Variants in SLC7A1 observed in about 807,000 individuals in gnomAD.
The protein encoded by SLC7A1 is solute carrier family 7 member 1.
In SLC7A1, 10 loss-of-function variants were observed where a neutral mutation model predicts 53.9. The ratio of observed to expected loss-of-function variants is 0.19; its 90% confidence interval spans 0.11 to 0.31. The LOEUF (loss-of-function observed/expected upper bound fraction) is 0.31. SLC7A1 is among the 10% of genes least tolerant of loss of function. The pLI is 1.00. For synonymous variants in SLC7A1, 342 were observed against 338.7 expected (o/e 1.01, Z -0.11); for missense variants, 525 against 827.2 (o/e 0.63, Z 4.48).
Position 29,535,904 on chromosome 13 carries a change from G to A in SLC7A1, c.285C>T (p.Gly95=), listed in dbSNP as rs1200983681. The change falls in exon 3 of 13, where the codon GGC becomes GGT. Residue 95 remains glycine, a synonymous_variant. Transcript: ENST00000380752. The part of the protein sequence containing the change: ...GEFGARVPKT[G]SAYLYSYVTV... ...TGACATAGCTGTAGAGGTAAGCTGA[G>A]CCCGTCTTGGGGACCCGAGCACCAA... 2 of 1,614,084 alleles carry A rather than the reference G, an allele frequency of 1.2e-6. No individual in the cohort carries two copies. The highest frequency in any genetic ancestry group is 1.1e-5 in the South Asian group (1 of 91,090).
intron 1 of SLC7A1, among the ~76,000 whole-genome samples, chr13:29,562,348 A>G (rs902534004): frequency 2.6e-5 from 4 of 152,250 alleles, no homozygotes; most frequent in Non-Finnish European, 1.5e-5. Context: ...CATATTTTAA[A>G]GTGTATACAC....
At chr13:29,569,341 C>T (rs1405787683) in intron 1 of SLC7A1, among the ~76,000 whole-genome samples, 1 of 152,088 alleles carries the variant, frequency 6.6e-6, no homozygotes, top group Non-Finnish European at 1.5e-5. Context: ...GGTTAGGGCC[C>T]CCTCACTACT....
Position 29,536,192 on chromosome 13 carries a change from G to T in SLC7A1, c.-4C>A, listed in dbSNP as rs767140050. ...TGAGCAGGACTTTGCACCCCATGTT[G>T]CTGTTCAGAGCTGTTGAAAAAGAAC... On this transcript the variant is annotated 5_prime_UTR_variant, in exon 3 of 13. Coordinates refer to ENST00000380752, the MANE Select transcript of SLC7A1 (RefSeq NM_003045.5). 6.2e-7 allele frequency: 1 copy of T among 1,603,590 alleles called. No individual in the cohort carries two copies. The highest frequency in any genetic ancestry group is 1.7e-5 in the Admixed American group (1 of 59,540).
intron 4 of SLC7A1, 132 bp downstream of exon 4, chr13:29,532,692 G>C (rs1175894147): frequency 3.9e-5 from 31 of 795,804 alleles, no homozygotes; most frequent in South Asian, 3.3e-4. Flanking sequence ...CCTGCATGCA[G>C]TACAAAAACA....
intron 9 of SLC7A1, 46 bp downstream of exon 9, chr13:29,519,401 G>T: frequency 9.0e-7 from 1 of 1,107,660 alleles, no homozygotes; most frequent in Non-Finnish European, 1.4e-6. Context: ...AAGGCTACCA[G>T]GTGCATCTGC....
At chr13:29,563,621 G>T (rs944202290) in intron 1 of SLC7A1, among the ~76,000 whole-genome samples, 1 of 152,202 alleles carries the variant, frequency 6.6e-6, no homozygotes, top group African/African-American at 2.4e-5. Context: ...TTCTAAGAGT[G>T]AAACTGACAG....
intron 1 of SLC7A1, among the ~76,000 whole-genome samples, chr13:29,554,598 T>C (rs890366051): frequency 1.3e-5 from 2 of 152,208 alleles, no homozygotes; most frequent in African/African-American, 2.4e-5. Flanking sequence ...TCTTACCATT[T>C]ACACTCTGCA....
intron 1 of SLC7A1, among the ~76,000 whole-genome samples, chr13:29,581,614 A>G (rs1871650155): frequency 6.6e-6 from 1 of 152,224 alleles, no homozygotes; most frequent in African/African-American, 2.4e-5. Flanking sequence ...GTCCCCTCTA[A>G]GTGGCATTCT....
intron 1 of SLC7A1, among the ~76,000 whole-genome samples, chr13:29,578,254 T>A (rs1314146021): frequency 6.6e-6 from 1 of 152,164 alleles, no homozygotes; most frequent in Non-Finnish European, 1.5e-5. Context: ...GAGCAGATAT[T>A]TAAGACATCT....
chr13:29,545,705 G>C (rs1869889925), intron 2 of SLC7A1, among the ~76,000 whole-genome samples: 2 of 152,154 alleles, frequency 1.3e-5, no homozygotes, highest in Admixed American at 1.3e-4. Context: ...ATCAGCTTAA[G>C]GTTCCCGTCA....
chr13:29,520,457 G>C (rs1868587771), intron 8 of SLC7A1, among the ~76,000 whole-genome samples: 1 of 152,242 alleles, frequency 6.6e-6, no homozygotes, highest in Non-Finnish European at 1.5e-5. Flanking sequence ...GAAATCTGAA[G>C]AGTTGTTCTC....
intron 1 of SLC7A1, among the ~76,000 whole-genome samples, chr13:29,575,564 A>C (rs1225516031): frequency 6.6e-6 from 1 of 152,232 alleles, no homozygotes; most frequent in Non-Finnish European, 1.5e-5. Context: ...TATGCTATTA[A>C]GTATTACTTG....
intron 7 of SLC7A1, among the ~76,000 whole-genome samples, chr13:29,522,862 A>G (rs112922546): frequency 2.2e-3 from 328 of 152,342 alleles, no homozygotes; most frequent in African/African-American, 7.0e-3. Flanking sequence ...ACAGGCTAAG[A>G]GGAAATACGA....
chr13:29,565,074 A>G (rs1232232303), intron 1 of SLC7A1, among the ~76,000 whole-genome samples: 1 of 152,258 alleles, frequency 6.6e-6, no homozygotes, highest in Non-Finnish European at 1.5e-5. Flanking sequence ...ATGTGTGAAT[A>G]ATCAGCTCTT....
At chr13:29,572,852 C>T (rs1984030) in intron 1 of SLC7A1, among the ~76,000 whole-genome samples, 20,004 of 152,102 alleles carry the variant, frequency 0.13, 1,688 homozygotes, top group African/African-American at 0.24. Flanking sequence ...CACACACAAC[C>T]GCAAGGGCCA....
intron 1 of SLC7A1, among the ~76,000 whole-genome samples, chr13:29,577,988 T>C (rs1441999884): frequency 6.6e-6 from 1 of 152,174 alleles, no homozygotes; most frequent in Non-Finnish European, 1.5e-5. Flanking sequence ...TTTTCATTTG[T>C]TCTAAAACAT....
At chr13:29,587,020 C>T (rs1193835602) in intron 1 of SLC7A1, among the ~76,000 whole-genome samples, 3 of 152,214 alleles carry the variant, frequency 2.0e-5, no homozygotes, top group Non-Finnish European at 4.4e-5. Flanking sequence ...CGGCTGCCCA[C>T]CGAAGTCACT....
At chr13:29,578,559 G>A (rs571331355) in intron 1 of SLC7A1, among the ~76,000 whole-genome samples, 1 of 152,310 alleles carries the variant, frequency 6.6e-6, no homozygotes, top group South Asian at 2.1e-4. Context: ...TCTGCCCAGA[G>A]CCCAGCCGTG....
chr13:29,517,763 T>A lies in SLC7A1; in HGVS notation c.1320A>T (p.Val440=). Reference sequence around the variant, plus strand: ...CGTCGGAAGTACTGGCCATCTGGTATACCAGGTTAGGCTGCTCTGGCTGGT... The same window carrying A: ...CGTCGGAAGTACTGGCCATCTGGTAAACCAGGTTAGGCTGCTCTGGCTGGT... The part of the protein sequence containing the change: ...LRYQPEQPNL[V]YQMASTSDEL... The change falls in exon 10 of 13, where the codon GTA becomes GTT. Residue 440 remains valine (V), a synonymous_variant. Transcript: ENST00000380752. 1 of 1,614,210 alleles carries A rather than the reference T, an allele frequency of 6.2e-7. No individual in the cohort carries two copies. The highest frequency in any genetic ancestry group is 8.5e-7 in the Non-Finnish European group (1 of 1,180,026).
Sources: allele counts gnomAD v4.1 joint callset (sites outside exome capture counted in the v4.1 genomes callset), GRCh38; gene constraint gnomAD v4.1.1; transcripts MANE v1.5; gene names NCBI Gene and HGNC (gene_info 2026-07-23, HGNC 2026-07-21).